The following ASRGL1 variants were observed in gnomAD, a reference collection of about 807,000 sequenced individuals.
ASRGL1 encodes the protein asparaginase and isoaspartyl peptidase 1.
Under a neutral mutation model 22.4 loss-of-function variants are expected in ASRGL1, and 16 were observed. That is an observed-to-expected ratio of 0.71 (90% confidence interval 0.48 to 1.08). The LOEUF is 1.08. ASRGL1 is among the 50% of genes least tolerant of loss of function. The pLI is 0.00. For missense variants in ASRGL1, 412 were observed against 410.1 expected, an observed-to-expected ratio of 1.00 and a Z score of -0.04; for synonymous variants, 165 against 159.3, an observed-to-expected ratio of 1.04 and a Z score of -0.27.
chr11:62,383,410 C>T (rs375857920), intron 4 of ASRGL1, among the ~76,000 whole-genome samples: 6 of 150,036 alleles, frequency 4.0e-5, no homozygotes, highest in East Asian at 3.9e-4. Flanking sequence ...GAGACCATCC[C>T]GGCTAAAACG....
chr11:62,385,990 C>T (rs1268156397), intron 4 of ASRGL1, among the ~76,000 whole-genome samples: 1 of 151,998 alleles, frequency 6.6e-6, no homozygotes, highest in Admixed American at 6.6e-5. Flanking sequence ...AGTGAAACCC[C>T]ATCTCTACTA....
chr11:62,389,759 G>A (rs1023622740), intron 5 of ASRGL1: 1 of 241,778 alleles, frequency 4.1e-6, no homozygotes, highest in African/African-American at 2.3e-5. Context: ...ATTCCCAGGA[G>A]TGGGTGAGAG....
At chr11:62,380,862 C>T (rs888388387) in intron 4 of ASRGL1, among the ~76,000 whole-genome samples, 2 of 152,158 alleles carry the variant, frequency 1.3e-5, no homozygotes, top group Admixed American at 1.3e-4. Flanking sequence ...GGAATTGCCA[C>T]GCCTCAATAT....
At chr11:62,365,154 G>A (rs116996749) in intron 4 of ASRGL1, among the ~76,000 whole-genome samples, 4,121 of 152,220 alleles carry the variant, frequency 0.027, 75 homozygotes, top group Non-Finnish European at 0.039. Flanking sequence ...ATGGGAAGGT[G>A]TAAGCCAGAG....
intron 2 of ASRGL1, among the ~76,000 whole-genome samples, chr11:62,351,127 G>A (rs1946157451): frequency 6.6e-6 from 1 of 152,096 alleles, no homozygotes; most frequent in Admixed American, 6.5e-5. Context: ...TACCATTTAA[G>A]CAGACCCTAG....
intron 4 of ASRGL1, among the ~76,000 whole-genome samples, chr11:62,377,138 T>A (rs1246830105): frequency 6.6e-6 from 1 of 152,188 alleles, no homozygotes; most frequent in Non-Finnish European, 1.5e-5. Context: ...GCTGCATTTA[T>A]ATGAGTCAAA....
At chr11:62,374,304 G>A (rs756675508) in intron 4 of ASRGL1, among the ~76,000 whole-genome samples, 1 of 152,176 alleles carries the variant, frequency 6.6e-6, no homozygotes, top group Non-Finnish European at 1.5e-5. Flanking sequence ...CAAGCTAGCC[G>A]CTGTGTGCAC....
chr11:62,377,399 T>C (rs1005131226), intron 4 of ASRGL1, among the ~76,000 whole-genome samples: 1 of 152,198 alleles, frequency 6.6e-6, no homozygotes, highest in Non-Finnish European at 1.5e-5. Context: ...TCTGATACAA[T>C]ATTAATAGGT....
intron 4 of ASRGL1, among the ~76,000 whole-genome samples, chr11:62,374,445 A>G (rs1361518555): frequency 1.3e-5 from 2 of 152,086 alleles, no homozygotes; most frequent in African/African-American, 4.8e-5. Context: ...TAAAATAGAT[A>G]TTTAGTTCAG....
At chr11:62,344,052 C>T (rs1945947561) in intron 2 of ASRGL1, among the ~76,000 whole-genome samples, 1 of 151,684 alleles carries the variant, frequency 6.6e-6, no homozygotes, top group Non-Finnish European at 1.5e-5. Flanking sequence ...CATGTGACCC[C>T]ACACCCAGCT....
intron 2 of ASRGL1, among the ~76,000 whole-genome samples, chr11:62,341,717 A>G (rs1461572611): frequency 2.0e-5 from 3 of 152,200 alleles, no homozygotes; most frequent in Admixed American, 2.0e-4. Flanking sequence ...ATTTGCATAT[A>G]GTAAGATCCC....
intron 3 of ASRGL1, 101 bp from the exon 4 acceptor site, chr11:62,356,886 T>G (rs1300174807): frequency 7.4e-7 from 1 of 1,357,466 alleles, no homozygotes; most frequent in African/African-American, 1.5e-5. Context: ...TTTTGATCCT[T>G]TGCACCCAGA....
At chr11:62,379,161 A>C (rs1947004682) in intron 4 of ASRGL1, among the ~76,000 whole-genome samples, 3 of 152,168 alleles carry the variant, frequency 2.0e-5, no homozygotes, top group Admixed American at 2.0e-4. Flanking sequence ...TCCGGCCCTA[A>C]ACAATGTAAT....
At chr11:62,343,038 G>A (rs747358120) in intron 2 of ASRGL1, among the ~76,000 whole-genome samples, 4 of 152,152 alleles carry the variant, frequency 2.6e-5, no homozygotes, top group Admixed American at 2.6e-4. Context: ...CCTTAGGTGA[G>A]TACCTGGGAG....
intron 2 of ASRGL1, among the ~76,000 whole-genome samples, chr11:62,345,535 C>G (rs1044170050): frequency 6.6e-6 from 1 of 152,152 alleles, no homozygotes; most frequent in Non-Finnish European, 1.5e-5. Flanking sequence ...TCCCAAAGTA[C>G]TGGGATAACA....
rs575817869 is a variant in ASRGL1 at position 62,386,822 on chromosome 11, A to G, written c.492-2311A>G. Among the ~76,000 whole-genome samples, 122 of 152,208 alleles carry G rather than the reference A, an allele frequency of 8.0e-4. 1 individual carries two copies. Among genetic ancestry groups the G allele is most frequent in the African/African-American group, 2.8e-3 (115 of 41,522 alleles). On this transcript the variant is annotated intron_variant, in intron 4 of 6. Transcript: ENST00000415229. ...TGAATGAGAGTTCCACTTCCTGCAC[A>G]TCCTTGCCAGGTTTGATGTGCCTCT...
Position 62,357,042 on chromosome 11 carries a change from G to A in ASRGL1, c.389G>A (p.Gly130Glu), listed in dbSNP as rs760208448. 2 of 1,614,072 alleles carry A rather than the reference G, an allele frequency of 1.2e-6. No individual in the cohort carries two copies. Among genetic ancestry groups the A allele is most frequent in the Non-Finnish European group, 1.7e-6 (2 of 1,180,022 alleles). The change falls in exon 4 of 7, where the codon GGG becomes GAG. Residue 130 changes from glycine to glutamate, a missense_variant. Gly to Glu is a moderately conservative substitution (Grantham distance 98, BLOSUM62 -2). Coordinates refer to ENST00000415229, the MANE Select transcript of ASRGL1 (RefSeq NM_001083926.2). The part of the protein sequence containing the change: ...QGAAQFAAAM[G>E]VPEIPGEKLV... The stretch of plus-strand genomic sequence containing the variant: ...GCAGCGCAGTTTGCAGCAGCTATGG[G>A]GGTTCCAGAGATTCCTGGAGAAAAA...
intron 5 of ASRGL1, 72 bp downstream of exon 5, chr11:62,389,323 C>A: frequency 7.4e-7 from 1 of 1,345,918 alleles, no homozygotes; most frequent in Non-Finnish European, 1.1e-6. Flanking sequence ...TCTCTATTCC[C>A]TGCCCCTCTC....
In ASRGL1 at chr11:62,371,199, C is replaced by G. The variant is rs367926215; in HGVS notation, c.491+14055C>G. 27 of 1,253,534 alleles carry G rather than the reference C, an allele frequency of 2.2e-5. No individual in the cohort carries two copies. In the East Asian group the frequency reaches 5.9e-4, roughly 27 times the overall value. 77.7% of individuals were successfully genotyped at this position (1,253,534 alleles called of 1,614,324 possible). A position where few individuals can be genotyped will look rare whatever the true frequency, so the allele number is the denominator to read the frequency against. On this transcript the variant is annotated intron_variant, in intron 4 of 6. Transcript: ENST00000415229. Reference sequence around the variant, plus strand: ...TGAGCTCGGGCAACGGCACTGCCCACGCCAGGGCCCAGGAAACGTGGCGGC... The same window carrying G: ...TGAGCTCGGGCAACGGCACTGCCCAGGCCAGGGCCCAGGAAACGTGGCGGC...
Sources: allele counts gnomAD v4.1 joint callset (sites outside exome capture counted in the v4.1 genomes callset), GRCh38; gene constraint gnomAD v4.1.1; transcripts MANE v1.5; gene names NCBI Gene and HGNC (gene_info 2026-07-23, HGNC 2026-07-21).